ARNT: variants seen among roughly 807,000 people sequenced by gnomAD.
The protein encoded by ARNT is aryl hydrocarbon receptor nuclear translocator.
Under a neutral mutation model 105.0 loss-of-function variants are expected in ARNT, and 30 were observed. The observed-to-expected ratio is 0.29, with a 90% CI of 0.21 to 0.39. ARNT has a LOEUF of 0.39. Among genes scored for constraint, ARNT ranks in the 10% least tolerant of loss-of-function variants. ARNT has a pLI of 1.00. For missense variants in ARNT, 748 were observed against 978.7 expected (o/e 0.76, Z 3.15); for synonymous variants, 304 against 344.0 (o/e 0.88, Z 1.29).
intron 15 of ARNT, 113 bp from the exon 16 acceptor site, chr1:150,817,546 G>T: frequency 3.0e-6 from 3 of 1,005,680 alleles, no homozygotes; most frequent in Non-Finnish European, 2.9e-6. Context: ...GGTGGCTCAT[G>T]CCTGTAATCC....
chr1:150,820,988 T>C (rs758777469), intron 14 of ARNT, among the ~76,000 whole-genome samples: 3 of 152,224 alleles, frequency 2.0e-5, no homozygotes, highest in Non-Finnish European at 4.4e-5. Flanking sequence ...GCCAGAAGCC[T>C]TACCAATAAC....
chr1:150,825,825 C>T (rs1485726959), intron 13 of ARNT, among the ~76,000 whole-genome samples: 1 of 148,402 alleles, frequency 6.7e-6, no homozygotes, highest in South Asian at 2.2e-4. Context: ...TCCACCCTGG[C>T]GACAGAGCTA....
intron 3 of ARNT, among the ~76,000 whole-genome samples, chr1:150,848,679 C>T (rs1662721420): frequency 6.6e-6 from 1 of 151,954 alleles, no homozygotes; most frequent in African/African-American, 2.4e-5. Flanking sequence ...CAGGCACACA[C>T]CAGCACTTCC....
At chr1:150,826,676 C>T (rs1049413044) in intron 12 of ARNT, 59 bp from the exon 13 acceptor site, 1 of 1,319,886 alleles carries the variant, frequency 7.6e-7, no homozygotes, top group African/African-American at 1.5e-5. Flanking sequence ...TGGAGTTTCG[C>T]TCTTGTTGCC....
At chr1:150,829,595 A>G (rs1658954737) in intron 11 of ARNT, 2 of 563,218 alleles carry the variant, frequency 3.6e-6, no homozygotes, top group African/African-American at 3.8e-5. Context: ...TTAGTCAGGT[A>G]ATGATACAAT....
intron 16 of ARNT, 53 bp from the exon 17 acceptor site, chr1:150,817,255 A>G: frequency 1.2e-6 from 2 of 1,612,716 alleles, no homozygotes; most frequent in Non-Finnish European, 1.7e-6. Context: ...TGACAATTCA[A>G]TAACCCTAAA....
In ARNT at chr1:150,818,047, G is replaced by T; in HGVS notation, c.1395-17C>A. The T allele has an allele frequency of 1.3e-6, 2 of 1,561,892 alleles. No homozygotes were observed. Among genetic ancestry groups the T allele is most frequent in the Admixed American group, 1.7e-5 (1 of 58,300 alleles). On this transcript the variant is annotated splice_polypyrimidine_tract_variant and intron_variant, in intron 14 of 21. Transcript: ENST00000358595. ...CTAGAGTTCCTAGGAAACCAGAGTA[G>T]ACAGTAAAGAGGGGGTGGAGAGGGA...
chr1:150,847,004 A>T (rs12728254), intron 3 of ARNT, among the ~76,000 whole-genome samples: 127,130 of 152,102 alleles, frequency 0.84, 53,892 homozygotes, highest in Non-Finnish European at 0.9. Context: ...ATTTTCTGTA[A>T]CCATTCATCT....
intron 2 of ARNT, 95 bp from the exon 3 acceptor site, chr1:150,852,901 C>T: frequency 7.0e-7 from 1 of 1,438,246 alleles, no homozygotes. Context: ...GAACACCCAC[C>T]CAAATGGAAG....
At chr1:150,849,320 C>G (rs1414420347) in intron 3 of ARNT, among the ~76,000 whole-genome samples, 2 of 152,086 alleles carry the variant, frequency 1.3e-5, no homozygotes. Context: ...CAGCAACGTA[C>G]AGACTACCTG....
At chr1:150,848,094 C>A (rs899484312) in intron 3 of ARNT, among the ~76,000 whole-genome samples, 1 of 152,146 alleles carries the variant, frequency 6.6e-6, no homozygotes, top group African/African-American at 2.4e-5. Flanking sequence ...CTCACACATA[C>A]ACATTTATAT....
At position 150,813,205 on chromosome 1, in the gene ARNT, T is replaced by A; in HGVS notation, c.2247A>T (p.Pro749=). ...SSSEQHVQQP[P]AQQPGQPEVF... is the part of the protein sequence containing the mutation. ...CCTCAGGCTGGCCAGGTTGCTGTGC[T>A]GGCGGTTGTTGAACATGTTGCTCAC... is the stretch of plus-strand genomic sequence containing the variant. Residue 749 remains proline, a synonymous_variant, in exon 21 of 22, where the codon CCA becomes CCT. Transcript: ENST00000358595. 1 of 1,613,456 alleles carries A rather than the reference T, an allele frequency of 6.2e-7. No individual in the cohort carries two copies. Among genetic ancestry groups the A allele is most frequent in the Non-Finnish European group, 8.5e-7 (1 of 1,179,596 alleles).
chr1:150,828,650 C>T (rs1019904477), intron 12 of ARNT, among the ~76,000 whole-genome samples: 3 of 152,146 alleles, frequency 2.0e-5, no homozygotes, highest in African/African-American at 4.8e-5. Context: ...CGACCCACAA[C>T]AGTTTTAAAA....
chr1:150,864,768 ATAAATAAAT>A (rs1371713370), intron 1 of ARNT, among the ~76,000 whole-genome samples: 7 of 139,508 alleles, frequency 5.0e-5, no homozygotes, highest in African/African-American at 1.8e-4. Context: ...ATAATAAAAA[ATAAATAAAT>A]AAATAAATAA....
chr1:150,839,288 C>A, intron 6 of ARNT, 153 bp downstream of exon 6: 1 of 679,664 alleles, frequency 1.5e-6, no homozygotes, highest in Non-Finnish European at 2.5e-6. Context: ...TTCTCATTGT[C>A]CCAATGCTAA....
chr1:150,864,502 T>C (rs940544980), intron 1 of ARNT, among the ~76,000 whole-genome samples: 2 of 151,034 alleles, frequency 1.3e-5, no homozygotes, highest in African/African-American at 4.9e-5. Flanking sequence ...CTCAGTAAAC[T>C]ATCGCAAGAT....
chr1:150,821,545 C>T (rs894423476), intron 14 of ARNT, among the ~76,000 whole-genome samples: 5 of 152,190 alleles, frequency 3.3e-5, no homozygotes, highest in South Asian at 2.1e-4. Context: ...GTTAACTTTA[C>T]GCGGTTATGA....
At chr1:150,874,504 C>A (rs1427036220) in intron 1 of ARNT, among the ~76,000 whole-genome samples, 2 of 152,086 alleles carry the variant, frequency 1.3e-5, no homozygotes, top group African/African-American at 4.8e-5. Flanking sequence ...GGCAACATAG[C>A]AAGGCATCTG....
intron 1 of ARNT, among the ~76,000 whole-genome samples, chr1:150,872,880 T>C (rs1242348786): frequency 6.6e-6 from 1 of 152,116 alleles, no homozygotes; most frequent in Non-Finnish European, 1.5e-5. Context: ...GAGGATCACA[T>C]GCTCCCAGAA....
Sources: gnomAD v4.1 joint callset for allele counts (sites outside exome capture counted in the v4.1 genomes callset) on GRCh38, gnomAD v4.1.1 for gene constraint, MANE v1.5 for transcripts, NCBI Gene and HGNC (gene_info 2026-07-23, HGNC 2026-07-21) for gene names.